CEP170: variants seen among roughly 807,000 people sequenced by gnomAD.
CEP170 encodes centrosomal protein 170.
In CEP170, 21 loss-of-function variants were observed where a neutral mutation model predicts 151.9. The ratio of observed to expected loss-of-function variants is 0.14; its 90% CI spans 0.10 to 0.20. The LOEUF is 0.20. CEP170 is among the 10% of genes least tolerant of loss of function. The pLI, the probability that CEP170 is intolerant of heterozygous loss-of-function variation, is 1.00. For missense variants in CEP170, 964 were observed against 1,892.9 expected (o/e 0.51, Z 9.11); for synonymous variants, 356 against 648.8 (o/e 0.55, Z 6.86).
chr1:243,229,353 T>G (rs192971290), intron 1 of CEP170, among the ~76,000 whole-genome samples: 2 of 152,268 alleles, frequency 1.3e-5, no homozygotes, highest in Admixed American at 1.3e-4. Context: ...TACCAGTCCC[T>G]CATGCTTTCT....
chr1:243,127,402 G>T (rs1460019282), intron 19 of CEP170, among the ~76,000 whole-genome samples: 1 of 152,094 alleles, frequency 6.6e-6, no homozygotes, highest in African/African-American at 2.4e-5. Flanking sequence ...GTTCTCAGGC[G>T]GTGATTTTCA....
At chr1:243,168,012 A>AT (rs1220507471) in intron 12 of CEP170, among the ~76,000 whole-genome samples, 1 of 151,954 alleles carries the variant, frequency 6.6e-6, no homozygotes, top group East Asian at 1.9e-4. Flanking sequence ...GTGGTCTATT[A>AT]TTTTTTATAA....
chr1:243,204,549 T>C (rs1349404517), intron 4 of CEP170, among the ~76,000 whole-genome samples: 3 of 152,274 alleles, frequency 2.0e-5, no homozygotes, highest in Admixed American at 6.5e-5. Flanking sequence ...TTCAAGATAT[T>C]TAAGTAATGT....
chr1:243,193,888 A>G (rs2060471390), intron 7 of CEP170, among the ~76,000 whole-genome samples: 2 of 151,934 alleles, frequency 1.3e-5, no homozygotes, highest in South Asian at 4.1e-4. Context: ...TAGTGAGATG[A>G]GTATTAAGTG....
chr1:243,220,321 A>C (rs1273525077), intron 3 of CEP170, among the ~76,000 whole-genome samples: 1 of 152,198 alleles, frequency 6.6e-6, no homozygotes, highest in Non-Finnish European at 1.5e-5. Context: ...GTAATGATGG[A>C]GCATCAATCT....
At chr1:243,242,375 C>T (rs542102940) in intron 1 of CEP170, among the ~76,000 whole-genome samples, 47 of 152,198 alleles carry the variant, frequency 3.1e-4, no homozygotes, top group African/African-American at 8.9e-4. Flanking sequence ...CCCGCCACCA[C>T]GCCCGGCTAA....
intron 1 of CEP170, among the ~76,000 whole-genome samples, chr1:243,228,986 C>A (rs760191342): frequency 6.6e-6 from 1 of 152,204 alleles, no homozygotes; most frequent in Non-Finnish European, 1.5e-5. Context: ...AGCTTCTCTG[C>A]TGAGTGGGAA....
At chr1:243,192,639 G>C (rs1381873246) in intron 7 of CEP170, among the ~76,000 whole-genome samples, 1 of 152,188 alleles carries the variant, frequency 6.6e-6, no homozygotes, top group Non-Finnish European at 1.5e-5. Context: ...GGGAGACTAG[G>C]TTGTTTCCAA....
rs1206480828 is a variant in CEP170 at position 243,227,411 on chromosome 1, C to G, written c.-41-2090G>C. Among the ~76,000 whole-genome samples the G allele has an allele frequency of 2.6e-5, 4 of 152,284 alleles. No individual in the cohort carries two copies. The East Asian group carries it at 7.7e-4, about 29-fold the overall frequency. ...ATTTTATTAAATCAAGAGTCTAGTT[C>G]TGCAGACAACTCACATAAGGACACA... On this transcript the variant is annotated intron_variant, in intron 1 of 19. Transcript: ENST00000366542.
chr1:243,234,842 A>G (rs1015130913), intron 1 of CEP170, among the ~76,000 whole-genome samples: 10 of 152,214 alleles, frequency 6.6e-5, no homozygotes, highest in Non-Finnish European at 1.0e-4. Context: ...TGCAAATCAT[A>G]TATTATAAAA....
At chr1:243,188,175 T>C (rs1400170491) in intron 8 of CEP170, among the ~76,000 whole-genome samples, 2 of 152,200 alleles carry the variant, frequency 1.3e-5, no homozygotes, top group Non-Finnish European at 2.9e-5. Flanking sequence ...AATGGCTCTA[T>C]TGAAAAGGAA....
chr1:243,165,735 T>C lies in CEP170; in HGVS notation c.2225A>G (p.Lys742Arg). Residue 742 changes from lysine to arginine, a missense_variant, in exon 13 of 20, where the codon AAG (lysine) becomes AGG (arginine). Coordinates refer to ENST00000366542, the MANE Select transcript of CEP170 (RefSeq NM_014812.3). ...SETDKETSLVKQTLAKLQQQE... is the reference protein window; with the variant it reads ...SETDKETSLVRQTLAKLQQQE... ...TTGTTGAAGTTTTGCTAATGTTTGC[T>C]TTACCAAAGAAGTTTCCTTATCAGT... The C allele has an allele frequency of 6.2e-7, 1 of 1,614,096 alleles. No homozygotes were observed.
chr1:243,167,595 A>C (rs1175889497), intron 12 of CEP170, among the ~76,000 whole-genome samples: 1 of 151,830 alleles, frequency 6.6e-6, no homozygotes, highest in African/African-American at 2.4e-5. Flanking sequence ...AAGCTTCCTA[A>C]TCTTTTAGGG....
chr1:243,163,829 A>C (rs953190410), intron 13 of CEP170, among the ~76,000 whole-genome samples: 1 of 152,268 alleles, frequency 6.6e-6, no homozygotes, highest in African/African-American at 2.4e-5. Flanking sequence ...TGAAAGGAGT[A>C]ATAAAGCATA....
At chr1:243,128,196 G>A in intron 19 of CEP170, 53 bp downstream of exon 19, 5 of 1,445,680 alleles carry the variant, frequency 3.5e-6, no homozygotes, top group Non-Finnish European at 4.6e-6. Flanking sequence ...CCACTCAGAA[G>A]GCACTTATTC....
chr1:243,232,333 C>T (rs1471961697), intron 1 of CEP170, among the ~76,000 whole-genome samples: 1 of 152,118 alleles, frequency 6.6e-6, no homozygotes, highest in African/African-American at 2.4e-5. Flanking sequence ...AAAATTATAT[C>T]AGTCTCTATC....
intron 10 of CEP170, among the ~76,000 whole-genome samples, chr1:243,174,393 T>C (rs2059082953): frequency 6.6e-6 from 1 of 151,442 alleles, no homozygotes; most frequent in Non-Finnish European, 1.5e-5. Flanking sequence ...CTTTAGGATA[T>C]AACCAGAGAG....
intron 2 of CEP170, 113 bp from the exon 3 acceptor site, chr1:243,221,926 A>C: frequency 1.1e-6 from 1 of 884,110 alleles, no homozygotes; most frequent in Non-Finnish European, 1.7e-6. Context: ...GAAATATCAA[A>C]GTAAGTGTGG....
At chr1:243,226,373 A>G (rs1204036947) in intron 1 of CEP170, among the ~76,000 whole-genome samples, 3 of 151,656 alleles carry the variant, frequency 2.0e-5, no homozygotes, top group Non-Finnish European at 4.4e-5. Context: ...TCCAAAACAA[A>G]AATAAGTGAG....
Sources: gnomAD v4.1 joint callset for allele counts (sites outside exome capture counted in the v4.1 genomes callset) on GRCh38, gnomAD v4.1.1 for gene constraint, MANE v1.5 for transcripts, NCBI Gene and HGNC (gene_info 2026-07-23, HGNC 2026-07-21) for gene names.